The following AK9 variants were observed in gnomAD, a reference collection of about 807,000 sequenced individuals.
AK9 encodes adenylate kinase domain containing 1.
Under a neutral mutation model 239.6 loss-of-function variants are expected in AK9, and 191 were observed. The observed-to-expected ratio is 0.80, with a 90% CI of 0.71 to 0.90. The LOEUF is 0.90. AK9 is among the 40% of genes least tolerant of loss of function. AK9 has a pLI of 0.00. For missense variants in AK9, 1,995 were observed against 2,214.7 expected (o/e 0.90, Z 1.99); for synonymous variants, 689 against 721.0 (o/e 0.96, Z 0.71).
chr6:109,511,933 G>T (rs1385324486), intron 32 of AK9, among the ~76,000 whole-genome samples: 1 of 152,090 alleles, frequency 6.6e-6, no homozygotes, highest in Non-Finnish European at 1.5e-5. Context: ...TCAACGTTCT[G>T]CTGTCTTTGG....
At chr6:109,536,529 C>T (rs567598056) in intron 27 of AK9, among the ~76,000 whole-genome samples, 15 of 152,242 alleles carry the variant, frequency 9.9e-5, no homozygotes, top group African/African-American at 2.6e-4. Flanking sequence ...TTTCTAAATA[C>T]ACAATCATGT....
chr6:109,678,871 C>T (rs916197711), intron 1 of AK9, among the ~76,000 whole-genome samples: 5 of 152,264 alleles, frequency 3.3e-5, no homozygotes, highest in African/African-American at 1.2e-4. Context: ...AACTCCCTCC[C>T]CTAGCCAAGG....
chr6:109,495,464 T>C, intron 38 of AK9, 24 bp from the exon 39 acceptor site: 1 of 1,550,620 alleles, frequency 6.4e-7, no homozygotes, highest in Admixed American at 1.7e-5. Context: ...GTTCATTAGA[T>C]GGATGCTCAC....
chr6:109,562,246 G>A (rs537580115), intron 24 of AK9, among the ~76,000 whole-genome samples: 9 of 151,778 alleles, frequency 5.9e-5, no homozygotes, highest in East Asian at 1.9e-4. Flanking sequence ...GTTTCATTTC[G>A]GATAGTTTCT....
intron 29 of AK9, among the ~76,000 whole-genome samples, chr6:109,519,891 G>A (rs993830186): frequency 4.6e-5 from 7 of 150,776 alleles, no homozygotes; most frequent in Non-Finnish European, 1.0e-4. Flanking sequence ...TTGGCTGCAT[G>A]TATGTCTTCT....
rs771948940 is a variant in AK9, at chr6:109,497,860, G to A, written c.5152C>T (p.Arg1718Ter). The change falls in exon 37 of 41, where the codon CGA becomes TGA. Residue 1718 changes from arginine to a stop codon, truncating the protein, a stop_gained. Transcript: ENST00000424296. LOFTEE classifies it high-confidence loss of function. ...TGGAGCTCCGCACACTTAGGGAATC[G>A]ACTCTTCAGCTCTGACAGTGTCAGT... is the stretch of plus-strand genomic sequence containing the variant. ...KRLTLSELKS[R>*]FPKCAELQGY... The A allele has an allele frequency of 1.9e-6, 3 of 1,613,942 alleles. No individual in the cohort carries two copies. The highest frequency in any genetic ancestry group is 1.7e-6 in the Non-Finnish European group (2 of 1,179,904).
At chr6:109,675,934 C>G (rs576972859) in intron 1 of AK9, among the ~76,000 whole-genome samples, 178 bp from the exon 2 acceptor site, 2 of 151,980 alleles carry the variant, frequency 1.3e-5, no homozygotes, top group South Asian at 4.1e-4. Flanking sequence ...CAATAGTAAG[C>G]TCTTAGTTTG....
chr6:109,530,551 C>T (rs959857282), intron 28 of AK9, among the ~76,000 whole-genome samples: 1 of 151,992 alleles, frequency 6.6e-6, no homozygotes, highest in African/African-American at 2.4e-5. Context: ...ACTGTATTAC[C>T]AAAAAATTGC....
chr6:109,584,695 C>G (rs1391786768), intron 19 of AK9, among the ~76,000 whole-genome samples: 1 of 152,060 alleles, frequency 6.6e-6, no homozygotes, highest in South Asian at 2.1e-4. Context: ...TTAGCCTGGT[C>G]TTTCCATGTG....
intron 24 of AK9, among the ~76,000 whole-genome samples, chr6:109,553,087 A>G (rs1784549152): frequency 6.6e-6 from 1 of 152,176 alleles, no homozygotes; most frequent in Non-Finnish European, 1.5e-5. Context: ...TACCAGTACC[A>G]TGCTGTTTTG....
intron 9 of AK9, among the ~76,000 whole-genome samples, chr6:109,644,232 C>T (rs917100009): frequency 6.6e-5 from 10 of 152,170 alleles, no homozygotes; most frequent in Non-Finnish European, 1.3e-4. Context: ...CTCACCAACA[C>T]TTTTTATTAT....
intron 23 of AK9, 117 bp from the exon 24 acceptor site, chr6:109,563,829 A>G (rs1786109274): frequency 7.8e-7 from 1 of 1,280,592 alleles, no homozygotes; most frequent in Non-Finnish European, 1.1e-6. Context: ...CTTAGATTAA[A>G]TATGTATGCA....
intron 24 of AK9, among the ~76,000 whole-genome samples, chr6:109,561,487 T>G (rs1188657231): frequency 6.6e-6 from 1 of 152,010 alleles, no homozygotes; most frequent in African/African-American, 2.4e-5. Context: ...TTAATTTTTG[T>G]ATTTTTTGTA....
chr6:109,600,232 A>G (rs1199177358), intron 17 of AK9, among the ~76,000 whole-genome samples: 2 of 152,240 alleles, frequency 1.3e-5, no homozygotes, highest in East Asian at 3.9e-4. Flanking sequence ...AATAGCTCTT[A>G]TTATTTTGAG....
chr6:109,685,790 C>G (rs1444919016), intron 1 of AK9, among the ~76,000 whole-genome samples: 4 of 152,164 alleles, frequency 2.6e-5, no homozygotes, highest in African/African-American at 9.7e-5. Flanking sequence ...GGGTCCTCCA[C>G]CCCTGGGCAA....
chr6:109,628,759 ACTT>A (rs905335416), intron 12 of AK9, among the ~76,000 whole-genome samples: 4 of 151,834 alleles, frequency 2.6e-5, no homozygotes, highest in African/African-American at 4.8e-5. Context: ...TCAGTGGAAA[ACTT>A]CTGTGGTTTT....
chr6:109,493,570 T>C lies in AK9; in HGVS notation c.5535A>G (p.Ala1845=), dbSNP rs1299824559. The change falls in exon 41 of 41, where the codon GCA becomes GCG. Residue 1845 remains alanine, a splice_region_variant and synonymous_variant. Coordinates refer to ENST00000424296, the MANE Select transcript of AK9 (RefSeq NM_001145128.3). ...ALLYIALHLK[A]FNPKGSEYTR... is the part of the protein sequence containing the mutation. ...TGTATTCGGAACCTTTGGGATTAAA[T>C]GCTGTAGAAAATTTCACAGAACTGT... 6.2e-7 allele frequency: 1 copy of C among 1,611,398 alleles called. No individual in the cohort carries two copies. The highest frequency in any genetic ancestry group is 8.5e-7 in the Non-Finnish European group (1 of 1,178,902).
chr6:109,528,472 G>T (rs1780791057), intron 29 of AK9: 1 of 433,308 alleles, frequency 2.3e-6, no homozygotes, highest in Admixed American at 2.5e-5. Flanking sequence ...AAATAATTAA[G>T]AGGAGGGTTC....
Position 109,585,136 on chromosome 6 carries a change from CTTCTT to C in AK9, c.2096_2100del (p.Lys699ArgfsTer33). On this transcript the variant is annotated frameshift_variant, in exon 19 of 41. Coordinates refer to ENST00000424296, the MANE Select transcript of AK9 (RefSeq NM_001145128.3). LOFTEE classifies it high-confidence loss of function. The stretch of plus-strand genomic sequence containing the variant: ...GGCAGATTTTACCTTGCTTCTTCTT[CTTCTT>C]TTTTTTTCTTTTGTAGTTCTTCTAA... The C allele has an allele frequency of 3.4e-6, 4 of 1,164,692 alleles. No homozygotes were observed. The highest frequency in any genetic ancestry group is 2.2e-6 in the Non-Finnish European group (2 of 911,654). The allele number at this position is 1,164,692 out of a possible 1,614,324, so 72.1% of individuals were successfully genotyped here.
Sources: allele counts gnomAD v4.1 joint callset (sites outside exome capture counted in the v4.1 genomes callset), GRCh38; gene constraint gnomAD v4.1.1; transcripts MANE v1.5; gene names NCBI Gene and HGNC (gene_info 2026-07-23, HGNC 2026-07-21).